NIN: variants seen among roughly 807,000 people sequenced by gnomAD.
The protein encoded by NIN is glycogen synthase kinase 3 beta-interacting protein.
A neutral mutation model predicts 257.6 loss-of-function variants in NIN; 137 were observed. The observed-to-expected ratio is 0.53, with a 90% confidence interval of 0.46 to 0.61. The LOEUF (loss-of-function observed/expected upper bound fraction) is 0.61. Among genes scored for constraint, NIN ranks in the 20% least tolerant of loss-of-function variants. NIN has a pLI of 0.00. For missense variants in NIN, 2,439 were observed against 2,501.2 expected, an observed-to-expected ratio of 0.98 and a Z score of 0.53; for synonymous variants, 918 against 919.8, an observed-to-expected ratio of 1.00 and a Z score of 0.04.
intron 9 of NIN, chr14:50,772,021 CACAACA>C (rs911255420): frequency 1.6e-5 from 4 of 251,864 alleles, no homozygotes; most frequent in African/African-American, 2.3e-5. Context: ...AAAAAAAAAA[CACAACA>C]ACAACAACAA....
In NIN at chr14:50,757,399, A is replaced by G. The variant is rs768337782; in HGVS notation, c.3631T>C (p.Cys1211Arg). 8.1e-6 allele frequency: 13 copies of G among 1,614,096 alleles called. No homozygotes were observed. The highest frequency in any genetic ancestry group is 2.2e-5 in the East Asian group (1 of 44,902). The change falls in exon 18 of 31, where the codon TGT (cysteine) becomes CGT (arginine). Residue 1211 changes from cysteine (C) to arginine (R), a missense_variant. Around this residue, in one of 3 missense-constraint regions of NIN, gnomAD observed 2,043 missense variants for 2,050.2 expected, o/e 1.00. Coordinates refer to ENST00000530997, the MANE Select transcript of NIN (RefSeq NM_020921.4). Reference sequence around the variant, plus strand: ...TCAGAAGCTCGATCACAGTCCGCACATAACATCATTAGCTGTTCCTGAAGC... The same window carrying G: ...TCAGAAGCTCGATCACAGTCCGCACGTAACATCATTAGCTGTTCCTGAAGC... ...SQLQEQLMML[C>R]ADCDRASEKK...
At chr14:50,796,052 T>G (rs1190170760) in intron 4 of NIN, among the ~76,000 whole-genome samples, 2 of 152,238 alleles carry the variant, frequency 1.3e-5, no homozygotes, top group Non-Finnish European at 2.9e-5. Flanking sequence ...GCTTTCAGTG[T>G]TTCAGTGTTT....
In NIN at chr14:50,728,599, T is replaced by A. The variant is rs75622477; in HGVS notation, c.6078+924A>T. ...AATTCCTTGTCAAGCATTAACTGAGTGGCAAGGTATCTGAACACACAAGCG... is the reference window on the plus strand; with the variant it reads ...AATTCCTTGTCAAGCATTAACTGAGAGGCAAGGTATCTGAACACACAAGCG... On this transcript the variant is annotated intron_variant, in intron 29 of 30. Coordinates refer to ENST00000530997, the MANE Select transcript of NIN (RefSeq NM_020921.4). Among the ~76,000 whole-genome samples the A allele has an allele frequency of 8.0e-3, 1,219 of 152,298 alleles. 18 individuals are homozygous for A. The highest frequency in any genetic ancestry group is 0.027 in the African/African-American group (1,132 of 41,540).
intron 3 of NIN, among the ~76,000 whole-genome samples, chr14:50,808,516 A>G (rs1016180752): frequency 6.6e-6 from 1 of 152,170 alleles, no homozygotes; most frequent in Admixed American, 6.5e-5. Flanking sequence ...CCTGATGTGA[A>G]TTGGAGACAT....
chr14:50,770,863 C>T lies in NIN; in HGVS notation c.1248G>A (p.Glu416=). Residue 416 remains glutamate, a synonymous_variant, in exon 11 of 31, where the codon GAG becomes GAA. Transcript: ENST00000530997. ...DHHAAIERRN[E]YNLRKLDEEY... is the part of the protein sequence containing the mutation. Reference sequence around the variant, plus strand: ...TCTGCTGGCCTCACCTGAGGTTGTACTCATTCCGCCGCTCTATGGCCGCAT... The same window carrying T: ...TCTGCTGGCCTCACCTGAGGTTGTATTCATTCCGCCGCTCTATGGCCGCAT... 1 of 1,613,470 alleles carries T rather than the reference C, an allele frequency of 6.2e-7. No homozygotes were observed. The highest frequency in any genetic ancestry group is 1.3e-5 in the African/African-American group (1 of 75,050).
chr14:50,797,032 C>CA (rs2043870536), intron 4 of NIN, among the ~76,000 whole-genome samples: 1 of 152,196 alleles, frequency 6.6e-6, no homozygotes, highest in African/African-American at 2.4e-5. Flanking sequence ...GCTTTCTTTG[C>CA]AAAAACATAA....
chr14:50,746,954 C>T (rs777847130), intron 22 of NIN, among the ~76,000 whole-genome samples: 1 of 152,136 alleles, frequency 6.6e-6, no homozygotes, highest in Non-Finnish European at 1.5e-5. Flanking sequence ...CTTGACTTCC[C>T]GAGCTCAGGT....
At chr14:50,803,877 A>T (rs1205703818) in intron 4 of NIN, among the ~76,000 whole-genome samples, 5 of 149,120 alleles carry the variant, frequency 3.4e-5, no homozygotes, top group African/African-American at 1.2e-4. Context: ...AGCGGGGTAG[A>T]GTCACTTTTT....
Position 50,769,337 on chromosome 14 carries a change from G to T in NIN, c.1434+1051C>A, listed in dbSNP as rs547300264. Among the ~76,000 whole-genome samples the T allele has an allele frequency of 1.6e-4, 24 of 152,258 alleles. No homozygotes were observed. The South Asian group carries it at 2.1e-3, about 13-fold the overall frequency. ...GAGCCCTTGCACCTTATTATATGGT[G>T]TAAGAGTCCAGCAAAGAGAAGGACC... On this transcript the variant is annotated intron_variant, in intron 12 of 30. Transcript: ENST00000530997.
Position 50,771,583 on chromosome 14 carries a change from A to ACAAAG in NIN, c.982-116_982-115insCTTTG, listed in dbSNP as rs2042734703. 2.7e-6 allele frequency: 3 copies of ACAAAG among 1,105,302 alleles called. No individual in the cohort carries two copies. The South Asian group carries it at 4.7e-5, about 17-fold the overall frequency. The allele number at this position is 1,105,302 out of a possible 1,614,324, so 68.5% of individuals were successfully genotyped here. ...GAGCTGACAATGATCTAGCAATTAGACAATTCCATTGCTTTGGTGATTGCT... is the reference window on the plus strand; with the variant it reads ...GAGCTGACAATGATCTAGCAATTAGACAAAGCAATTCCATTGCTTTGGTGATTGCT... On this transcript the variant is annotated intron_variant, in intron 9 of 30. Coordinates refer to ENST00000530997, the MANE Select transcript of NIN (RefSeq NM_020921.4).
intron 14 of NIN, among the ~76,000 whole-genome samples, chr14:50,765,063 TAAAAAAAAAAA>T (rs781699626): frequency 3.3e-4 from 27 of 82,084 alleles, no homozygotes; most frequent in East Asian, 1.7e-3. Flanking sequence ...TGTCTCTACT[TAAAAAAAAAAA>T]AAAAAAAAAA....
At position 50,772,376 on chromosome 14, in the gene NIN, C is replaced by G. The variant is rs1320861153; in HGVS notation, c.906G>C (p.Met302Ile). 2 of 1,614,022 alleles carry G rather than the reference C, an allele frequency of 1.2e-6. No individual in the cohort carries two copies. The highest frequency in any genetic ancestry group is 2.2e-5 in the East Asian group (1 of 44,884). ...GTATTCTCTCCACAGATGCATGGCC[C>G]ATCCCATCATCCAGGCAGGAGAAGA... ...FRVFSCLDDG[M>I]GHASVERILD... Residue 302 changes from methionine to isoleucine, a missense_variant, in exon 9 of 31, where the codon ATG becomes ATC. Met to Ile is a conservative substitution (Grantham distance 10, BLOSUM62 1). Around this residue, in one of 3 missense-constraint regions of NIN, gnomAD observed 387 missense variants for 427.3 expected, o/e 0.91. Coordinates refer to ENST00000530997, the MANE Select transcript of NIN (RefSeq NM_020921.4).
intron 30 of NIN, 37 bp downstream of exon 30, chr14:50,725,916 G>T: frequency 5.0e-6 from 8 of 1,613,998 alleles, no homozygotes; most frequent in Non-Finnish European, 6.8e-6. Context: ...AAGCTGGAAT[G>T]TGAGGTGGGT....
chr14:50,743,190 G>A (rs535234851), intron 24 of NIN, among the ~76,000 whole-genome samples: 10 of 151,228 alleles, frequency 6.6e-5, no homozygotes, highest in African/African-American at 2.4e-4. Flanking sequence ...GGCTGATCTC[G>A]AACTCCTGAC....
intron 21 of NIN, among the ~76,000 whole-genome samples, chr14:50,749,356 C>T (rs1016760324): frequency 6.6e-6 from 1 of 152,104 alleles, no homozygotes; most frequent in African/African-American, 2.4e-5. Flanking sequence ...ACCATAACAA[C>T]CCTAGAAGAA....
At position 50,729,512 on chromosome 14, in the gene NIN, G is replaced by C. The variant is rs1278873686; in HGVS notation, c.6078+11C>G. The C allele has an allele frequency of 6.2e-7, 1 of 1,610,198 alleles. No homozygotes were observed. The highest frequency in any genetic ancestry group is 1.3e-5 in the African/African-American group (1 of 74,946). ...AACAGGTGATCTACTAGAGTAGAGA[G>C]AGCTTCATACCTGTGGTGTGTTGGT... On this transcript the variant is annotated intron_variant, in intron 29 of 30. Transcript: ENST00000530997.
intron 28 of NIN, among the ~76,000 whole-genome samples, chr14:50,732,558 C>A (rs547348086): frequency 8.5e-5 from 13 of 152,152 alleles, no homozygotes; most frequent in Non-Finnish European, 1.8e-4. Flanking sequence ...ATGAATGCCA[C>A]TGAATTGTAC....
intron 2 of NIN, chr14:50,823,207 C>T (rs893344998): frequency 1.9e-5 from 11 of 569,644 alleles, no homozygotes; most frequent in Middle Eastern, 3.0e-4. Context: ...CTGGATTTTC[C>T]GATGAAAGCC....
chr14:50,758,026 C>G lies in NIN; in HGVS notation c.3004G>C (p.Asp1002His). The change falls in exon 18 of 31, where the codon GAT (aspartate) becomes CAT (histidine). Residue 1002 changes from aspartate to histidine, a missense_variant. Asp to His is a moderately conservative substitution (Grantham distance 81). Around this residue, in one of 3 missense-constraint regions of NIN, gnomAD observed 2,043 missense variants for 2,050.2 expected, o/e 1.00. Transcript: ENST00000530997. The stretch of plus-strand genomic sequence containing the variant: ...GTGCTCATCTCGGCTCTTTCTCGAT[C>G]TGCTGTCTCACAGGTCGCTTTGTGA... ...NIHKATCETA[D>H]RERAEMSTEI... is the part of the protein sequence containing the mutation. 1 of 1,614,222 alleles carries G rather than the reference C, an allele frequency of 6.2e-7. No individual in the cohort carries two copies. The highest frequency in any genetic ancestry group is 8.5e-7 in the Non-Finnish European group (1 of 1,180,048).
Sources: gnomAD v4.1 joint callset for allele counts (sites outside exome capture counted in the v4.1 genomes callset) on GRCh38, gnomAD v4.1.1 for gene constraint, gnomAD v4.1.1 regional missense constraint, MANE v1.5 for transcripts, NCBI Gene and HGNC (gene_info 2026-07-23, HGNC 2026-07-21) for gene names.